Variants in TTC23L observed in about 807,000 individuals in gnomAD.
TTC23L encodes the protein tetratricopeptide repeat protein 23-like.
A neutral mutation model predicts 48.1 loss-of-function variants in TTC23L; 42 were observed. The ratio of observed to expected loss-of-function variants is 0.87; its 90% CI spans 0.68 to 1.13. The LOEUF is 1.13. TTC23L is among the 50% of genes most tolerant of loss of function. The pLI is 0.00. For synonymous variants in TTC23L, 159 were observed against 157.2 expected (o/e 1.01, Z -0.09); for missense variants, 391 against 421.0 (o/e 0.93, Z 0.62).
chr5:34,892,108 C>CAACG (rs1248722300), intron 9 of TTC23L, among the ~76,000 whole-genome samples: 1 of 152,196 alleles, frequency 6.6e-6, no homozygotes, highest in African/African-American at 2.4e-5. Flanking sequence ...AAACCTGGTA[C>CAACG]AACGATTGCT....
At chr5:34,915,527 A>T in the TTC23L span, 1 of 536,902 alleles carries the variant, frequency 1.9e-6, no homozygotes, top group Non-Finnish European at 3.2e-6. Context: ...GCCACTCTTC[A>T]GACCGGCCCT....
downstream of TTC23L, among the ~76,000 whole-genome samples, chr5:34,900,226 T>C (rs1240395979): frequency 1.3e-5 from 2 of 152,216 alleles, no homozygotes; most frequent in Non-Finnish European, 2.9e-5. Context: ...TACTGTTAAC[T>C]GGGAGCCTTA....
At chr5:34,915,618 G>C in the TTC23L span, 3 of 1,253,388 alleles carry the variant, frequency 2.4e-6, no homozygotes, top group South Asian at 1.7e-5. Context: ...GGAAGGAGGC[G>C]GCACAGACCT....
chr5:34,844,720 G>A (rs961614119), intron 2 of TTC23L, among the ~76,000 whole-genome samples: 1 of 152,066 alleles, frequency 6.6e-6, no homozygotes, highest in South Asian at 2.1e-4. Flanking sequence ...AATTTCTACC[G>A]TTGCTCCTAA....
the TTC23L span, chr5:34,911,591 G>C: frequency 6.2e-7 from 1 of 1,614,146 alleles, no homozygotes; most frequent in East Asian, 2.2e-5. Flanking sequence ...GTAATTTGTA[G>C]GACTTCACTC....
intron 10 of TTC23L, among the ~76,000 whole-genome samples, chr5:34,897,987 G>A (rs1462440144): frequency 6.6e-6 from 1 of 152,212 alleles, no homozygotes; most frequent in African/African-American, 2.4e-5. Context: ...AGGCAAGCCT[G>A]AGTTCAAACC....
At chr5:34,879,246 T>TA (rs1457009015) in intron 8 of TTC23L, among the ~76,000 whole-genome samples, 1 of 152,178 alleles carries the variant, frequency 6.6e-6, no homozygotes, top group African/African-American at 2.4e-5. Context: ...TTATTTGGGT[T>TA]ATGGATACTC....
At chr5:34,858,683 T>TA (rs146615654) in intron 4 of TTC23L, among the ~76,000 whole-genome samples, 50,610 of 149,416 alleles carry the variant, frequency 0.34, 9,733 homozygotes, top group South Asian at 0.45. Context: ...AGGCTTCAGA[T>TA]AAAAAAAAAA....
At chr5:34,899,009 CGA>C (rs371707841) in intron 10 of TTC23L, among the ~76,000 whole-genome samples, 1 of 152,036 alleles carries the variant, frequency 6.6e-6, no homozygotes, top group Non-Finnish European at 1.5e-5. Flanking sequence ...TGTAAGTCTC[CGA>C]GCTCGTGAGA....
intron 8 of TTC23L, chr5:34,869,925 C>T (rs191785348): frequency 6.6e-6 from 1 of 152,132 alleles, no homozygotes; most frequent in South Asian, 2.1e-4. Context: ...TCAGCTAATC[C>T]TCTTTCTCCT....
At chr5:34,882,229 C>T (rs1381262276) in intron 9 of TTC23L, among the ~76,000 whole-genome samples, 2 of 152,204 alleles carry the variant, frequency 1.3e-5, no homozygotes, top group African/African-American at 4.8e-5. Flanking sequence ...GTACCAATGC[C>T]TGATAATCCT....
chr5:34,922,527 C>T, the TTC23L span: 1 of 1,581,346 alleles, frequency 6.3e-7, no homozygotes, highest in South Asian at 1.1e-5. Flanking sequence ...AAGCTTACTC[C>T]ATATCTTTCA....
At chr5:34,879,417 T>A (rs1762069184) in intron 8 of TTC23L, among the ~76,000 whole-genome samples, 1 of 152,142 alleles carries the variant, frequency 6.6e-6, no homozygotes, top group South Asian at 2.1e-4. Context: ...AGACACAACA[T>A]TAAAATTAAA....
intron 9 of TTC23L, among the ~76,000 whole-genome samples, chr5:34,887,489 T>G (rs1281597546): frequency 1.3e-5 from 2 of 152,176 alleles, no homozygotes; most frequent in Admixed American, 1.3e-4. Flanking sequence ...TGGAGTATTG[T>G]TTCTCAAATC....
intron 3 of TTC23L, among the ~76,000 whole-genome samples, chr5:34,847,016 G>A (rs901024914): frequency 7.9e-5 from 12 of 152,036 alleles, no homozygotes; most frequent in African/African-American, 2.2e-4. Flanking sequence ...GCAAGACGTC[G>A]ACTCTCATTA....
chr5:34,850,154 C>T, intron 3 of TTC23L, 31 bp from the exon 4 acceptor site: 1 of 1,611,932 alleles, frequency 6.2e-7, no homozygotes, highest in South Asian at 1.1e-5. Context: ...TCTTCCTTTC[C>T]AAAAAGTATA....
chr5:34,855,293 T>C (rs1760035421), intron 4 of TTC23L, among the ~76,000 whole-genome samples: 1 of 151,654 alleles, frequency 6.6e-6, no homozygotes, highest in South Asian at 2.1e-4. Context: ...CAGGCCATGG[T>C]GTGGTTTTAA....
intron 8 of TTC23L, among the ~76,000 whole-genome samples, 163 bp from the exon 9 acceptor site, chr5:34,880,018 A>G (rs950460253): frequency 6.6e-6 from 1 of 152,116 alleles, no homozygotes; most frequent in Non-Finnish European, 1.5e-5. Context: ...AAACAACAAC[A>G]GCAAAAAAAC....
intron 9 of TTC23L, among the ~76,000 whole-genome samples, chr5:34,895,983 G>C (rs1763199402): frequency 6.6e-6 from 1 of 152,180 alleles, no homozygotes; most frequent in South Asian, 2.1e-4. Context: ...TGGTATGAGT[G>C]AGTGAGGAGC....
Sources: allele counts gnomAD v4.1 joint callset (sites outside exome capture counted in the v4.1 genomes callset), GRCh38; gene constraint gnomAD v4.1.1; transcripts MANE v1.5; gene names NCBI Gene and HGNC (gene_info 2026-07-23, HGNC 2026-07-21).